Variants in PICALM observed in about 807,000 individuals in gnomAD.
PICALM encodes the protein phosphatidylinositol-binding clathrin assembly protein.
Under a neutral mutation model 80.5 loss-of-function variants are expected in PICALM, and 40 were observed. The observed-to-expected ratio is 0.50, with a 90% CI of 0.39 to 0.65. The LOEUF (loss-of-function observed/expected upper bound fraction) is 0.65, where lower values mean the gene tolerates loss of function less well. Ranked by LOEUF, PICALM falls within the 30% of genes least tolerant of loss-of-function variation. PICALM has a pLI of 0.00. For missense variants in PICALM, 676 were observed against 778.9 expected, an observed-to-expected ratio of 0.87 and a Z score of 1.57; for synonymous variants, 288 against 260.3, an observed-to-expected ratio of 1.11 and a Z score of -1.02.
At chr11:86,000,342 G>C (rs893914420) in intron 11 of PICALM, among the ~76,000 whole-genome samples, 15 of 152,298 alleles carry the variant, frequency 9.8e-5, no homozygotes, top group Non-Finnish European at 4.4e-5. Flanking sequence ...TGAACCATTA[G>C]ATGCCTCATA....
chr11:86,042,369 T>C (rs2095987949), intron 1 of PICALM, among the ~76,000 whole-genome samples: 1 of 152,092 alleles, frequency 6.6e-6, no homozygotes, highest in African/African-American at 2.4e-5. Flanking sequence ...CTTAATGGAA[T>C]AAAAACTCAT....
At chr11:86,023,690 TG>T in intron 3 of PICALM, 1 of 418,322 alleles carries the variant, frequency 2.4e-6, no homozygotes, top group Non-Finnish European at 3.2e-6. Context: ...CTCTGCATCT[TG>T]TTTTCCATAG....
At chr11:86,014,510 T>A (rs1003222873) in intron 5 of PICALM, among the ~76,000 whole-genome samples, 1 of 152,180 alleles carries the variant, frequency 6.6e-6, no homozygotes, top group African/African-American at 2.4e-5. Flanking sequence ...ATGCTTTGAG[T>A]CCCATTAAAT....
At chr11:86,059,870 T>TTA (rs879502509) in intron 1 of PICALM, among the ~76,000 whole-genome samples, 1 of 138,792 alleles carries the variant, frequency 7.2e-6, no homozygotes, top group Non-Finnish European at 1.6e-5. Flanking sequence ...AGTTTTGACA[T>TTA]AAAAAAAAAA....
intron 1 of PICALM, among the ~76,000 whole-genome samples, chr11:86,037,080 G>A (rs1188690424): frequency 6.6e-6 from 1 of 151,418 alleles, no homozygotes. Flanking sequence ...CAAGCAGCTG[G>A]GACTACAGGG....
At chr11:86,060,158 T>C (rs1204248983) in intron 1 of PICALM, among the ~76,000 whole-genome samples, 3 of 152,216 alleles carry the variant, frequency 2.0e-5, no homozygotes, top group Non-Finnish European at 4.4e-5. Context: ...TTAGATCTAG[T>C]TCCTCTTTGA....
At chr11:86,041,011 G>T (rs2095954405) in intron 1 of PICALM, among the ~76,000 whole-genome samples, 3 of 152,116 alleles carry the variant, frequency 2.0e-5, no homozygotes, top group Admixed American at 2.0e-4. Context: ...CAATTGTTTT[G>T]GAGGGGAAAG....
At chr11:86,026,071 T>C (rs1242244511) in intron 3 of PICALM, among the ~76,000 whole-genome samples, 1 of 152,172 alleles carries the variant, frequency 6.6e-6, no homozygotes, top group African/African-American at 2.4e-5. Context: ...ATTCATGCTC[T>C]CAAATAACTA....
intron 14 of PICALM, among the ~76,000 whole-genome samples, chr11:85,983,437 C>T (rs544329615): frequency 1.3e-5 from 2 of 152,302 alleles, no homozygotes; most frequent in Admixed American, 6.5e-5. Context: ...TGTTTATACA[C>T]AGACTATTTA....
chr11:86,030,279 A>G (rs558898317), intron 2 of PICALM, among the ~76,000 whole-genome samples: 6 of 152,362 alleles, frequency 3.9e-5, no homozygotes, highest in Admixed American at 2.6e-4. Context: ...CTGGAACAAT[A>G]AAGTTGTGGG....
chr11:86,022,306 T>G, intron 4 of PICALM, 61 bp downstream of exon 4: 1 of 899,454 alleles, frequency 1.1e-6, no homozygotes, highest in African/African-American at 1.7e-5. Context: ...ATCTAGTAAC[T>G]CCTATGTTTT....
intron 19 of PICALM, among the ~76,000 whole-genome samples, chr11:85,963,573 T>C (rs1487844339): frequency 6.6e-6 from 1 of 152,134 alleles, no homozygotes. Flanking sequence ...TATAGAAAAA[T>C]GAAATACTGA....
chr11:85,993,504 T>A (rs1030360082), intron 12 of PICALM, among the ~76,000 whole-genome samples: 2 of 152,106 alleles, frequency 1.3e-5, no homozygotes, highest in Non-Finnish European at 2.9e-5. Context: ...AGGGGCATGA[T>A]CTTGGCTCAC....
At chr11:86,041,083 T>C (rs2095956073) in intron 1 of PICALM, among the ~76,000 whole-genome samples, 1 of 152,186 alleles carries the variant, frequency 6.6e-6, no homozygotes, top group Non-Finnish European at 1.5e-5. Context: ...TTACAGCACT[T>C]TTCACACTTC....
At chr11:86,036,945 C>CAAAAA (rs57778395) in intron 1 of PICALM, among the ~76,000 whole-genome samples, 4 of 125,910 alleles carry the variant, frequency 3.2e-5, no homozygotes, top group African/African-American at 9.7e-5. Context: ...CAACAACAAC[C>CAAAAA]AAAAAAAAAA....
At chr11:86,000,605 C>A in intron 11 of PICALM, 38 bp downstream of exon 11, 1 of 1,548,924 alleles carries the variant, frequency 6.5e-7, no homozygotes, top group Non-Finnish European at 8.8e-7. Context: ...AGTCTTTGAA[C>A]CTACATATTC....
rs534693302 is a variant in PICALM at position 85,987,036 on chromosome 11, T to C, written c.1409-3063A>G. On this transcript the variant is annotated intron_variant, in intron 13 of 19. Coordinates refer to ENST00000393346, the MANE Select transcript of PICALM (RefSeq NM_007166.4). Reference sequence around the variant, plus strand: ...AACAAGCTTTGGGGACAGAAAGACATTCCAAACACCTTTTACAAAATTTGG... The same window carrying C: ...AACAAGCTTTGGGGACAGAAAGACACTCCAAACACCTTTTACAAAATTTGG... 5.5e-4 allele frequency among the ~76,000 whole-genome samples: 84 copies of C among 152,332 alleles called. No individual in the cohort carries two copies. The Middle Eastern group carries it at 0.014, about 25-fold the overall frequency.
intron 1 of PICALM, among the ~76,000 whole-genome samples, chr11:86,041,113 A>G (rs910050038): frequency 1.3e-5 from 2 of 152,202 alleles, no homozygotes; most frequent in African/African-American, 2.4e-5. Context: ...ACTAGCTCAT[A>G]TATCAGTCTC....
At chr11:85,999,584 A>C (rs2095081302) in intron 11 of PICALM, among the ~76,000 whole-genome samples, 1 of 152,234 alleles carries the variant, frequency 6.6e-6, no homozygotes, top group Admixed American at 6.5e-5. Context: ...AAAGAAAAAA[A>C]AGAACTAAAT....
Sources: gnomAD v4.1 joint callset for allele counts (sites outside exome capture counted in the v4.1 genomes callset) on GRCh38, gnomAD v4.1.1 for gene constraint, MANE v1.5 for transcripts, NCBI Gene and HGNC (gene_info 2026-07-23, HGNC 2026-07-21) for gene names.